TESC: variants seen among roughly 807,000 people sequenced by gnomAD.
TESC encodes calcineurin B homologous protein 3.
TESC carries 19 observed loss-of-function variants against 31.0 expected under a neutral mutation model. The ratio of observed to expected loss-of-function variants is 0.61; its 90% CI spans 0.43 to 0.90. TESC has a LOEUF of 0.90. TESC is among the 40% of genes least tolerant of loss of function. The pLI, the probability that TESC is intolerant of heterozygous loss-of-function variation, is 0.00. For synonymous variants in TESC, 109 were observed against 114.8 expected (o/e 0.95, Z 0.32); for missense variants, 248 against 303.8 (o/e 0.82, Z 1.36).
intron 3 of TESC, among the ~76,000 whole-genome samples, chr12:117,055,453 A>G (rs1954707217): frequency 6.6e-6 from 1 of 151,978 alleles, no homozygotes; most frequent in African/African-American, 2.4e-5. Context: ...GATTATCTCC[A>G]TTTTAGAGAT....
intron 1 of TESC, among the ~76,000 whole-genome samples, chr12:117,091,004 C>T (rs1158172476): frequency 6.6e-6 from 1 of 152,212 alleles, no homozygotes; most frequent in Non-Finnish European, 1.5e-5. Flanking sequence ...CTCCACTAAC[C>T]TGCCAGGGAG....
At chr12:117,098,827 CTT>C (rs1255780242) in intron 1 of TESC, among the ~76,000 whole-genome samples, 1 of 152,124 alleles carries the variant, frequency 6.6e-6, no homozygotes, top group Non-Finnish European at 1.5e-5. Context: ...GACTTCAAAA[CTT>C]TCCGCTCTCG....
intron 1 of TESC, among the ~76,000 whole-genome samples, chr12:117,098,877 G>A (rs1313069219): frequency 2.0e-5 from 3 of 152,168 alleles, no homozygotes; most frequent in Non-Finnish European, 4.4e-5. Flanking sequence ...TGTGGGGCGC[G>A]CGCGCCAGCG....
chr12:117,048,406 G>A (rs949511840), intron 4 of TESC, among the ~76,000 whole-genome samples: 7 of 152,160 alleles, frequency 4.6e-5, no homozygotes, highest in Non-Finnish European at 8.8e-5. Context: ...GACCTGGGGC[G>A]GGACACAGAG....
chr12:117,054,831 C>T (rs1033660646), intron 3 of TESC, among the ~76,000 whole-genome samples: 3 of 152,178 alleles, frequency 2.0e-5, no homozygotes, highest in African/African-American at 7.2e-5. Flanking sequence ...CTCCGTTTCC[C>T]AGCCATCTTT....
intron 1 of TESC, among the ~76,000 whole-genome samples, chr12:117,075,983 A>T (rs867662501): frequency 1.4e-4 from 17 of 117,894 alleles, no homozygotes; most frequent in East Asian, 4.3e-4. Context: ...ATATATATAT[A>T]TATTTTTTTT....
intron 2 of TESC, among the ~76,000 whole-genome samples, chr12:117,065,447 A>ACAGAGGAAC (rs1169849844): frequency 1.3e-5 from 2 of 152,148 alleles, no homozygotes; most frequent in Non-Finnish European, 2.9e-5. Flanking sequence ...GCCGTTCACC[A>ACAGAGGAAC]CAGAGGAACG....
intron 1 of TESC, among the ~76,000 whole-genome samples, chr12:117,088,057 C>T (rs1048586581): frequency 6.6e-6 from 1 of 152,108 alleles, no homozygotes; most frequent in Non-Finnish European, 1.5e-5. Context: ...GGTCACACAG[C>T]TAGGAGCAGC....
chr12:117,059,336 G>A (rs868109), intron 2 of TESC, among the ~76,000 whole-genome samples: 179 of 152,270 alleles, frequency 1.2e-3, no homozygotes, highest in African/African-American at 4.0e-3. Flanking sequence ...CTGTGTCCCC[G>A]GCATGGCCTC....
At chr12:117,075,108 T>C (rs773314748) in intron 2 of TESC, among the ~76,000 whole-genome samples, 163 bp downstream of exon 2, 23 of 152,116 alleles carry the variant, frequency 1.5e-4, no homozygotes, top group Non-Finnish European at 2.9e-4. Flanking sequence ...ACAGCACCAC[T>C]GCACTCCAGC....
Position 117,091,821 on chromosome 12 carries a change from G to A in TESC, c.58+7404C>T, listed in dbSNP as rs182283396. Among the ~76,000 whole-genome samples the A allele has an allele frequency of 2.3e-3, 348 of 152,246 alleles. 1 individual carries two copies. The highest frequency in any genetic ancestry group is 3.6e-3 in the Non-Finnish European group (247 of 68,022). ...CTCAAGGTTCAGTTCTCCCCTTGCC[G>A]ACTTGGTAAACAATGTGTGGAACTC... On this transcript the variant is annotated intron_variant, in intron 1 of 7. Coordinates refer to ENST00000335209, the MANE Select transcript of TESC (RefSeq NM_017899.4).
intron 2 of TESC, among the ~76,000 whole-genome samples, chr12:117,060,741 A>T (rs1316535370): frequency 6.6e-6 from 1 of 152,190 alleles, no homozygotes; most frequent in Non-Finnish European, 1.5e-5. Context: ...GAAGCCAGGT[A>T]GCGTACAGCC....
intron 2 of TESC, among the ~76,000 whole-genome samples, chr12:117,067,216 C>G (rs1163876412): frequency 1.3e-5 from 2 of 152,100 alleles, no homozygotes; most frequent in Non-Finnish European, 2.9e-5. Flanking sequence ...GGTGAAACAG[C>G]CTGCTGAGCT....
intron 7 of TESC, among the ~76,000 whole-genome samples, chr12:117,041,630 G>A (rs898840469): frequency 3.9e-5 from 6 of 152,238 alleles, no homozygotes; most frequent in Non-Finnish European, 4.4e-5. Context: ...ACCGCGCCCA[G>A]CCTACAACGG....
intron 4 of TESC, among the ~76,000 whole-genome samples, chr12:117,047,795 T>C (rs186909732): frequency 2.0e-5 from 3 of 152,228 alleles, no homozygotes; most frequent in African/African-American, 7.2e-5. Flanking sequence ...AGGCTGAATG[T>C]AGTGGTGCAA....
intron 1 of TESC, chr12:117,098,658 G>C (rs1331821926): frequency 4.6e-5 from 7 of 152,274 alleles, no homozygotes; most frequent in Admixed American, 4.6e-4. Flanking sequence ...AGTGCTCTGC[G>C]GCCGCTGCCT....
chr12:117,040,291 C>T (rs1054451659), intron 7 of TESC, among the ~76,000 whole-genome samples: 5 of 152,156 alleles, frequency 3.3e-5, no homozygotes, highest in East Asian at 1.9e-4. Flanking sequence ...CAGGGTAACA[C>T]GCATGGACAC....
intron 2 of TESC, among the ~76,000 whole-genome samples, chr12:117,074,974 G>A (rs556125817): frequency 7.9e-5 from 12 of 152,014 alleles, no homozygotes; most frequent in Non-Finnish European, 1.5e-4. Context: ...GTGAAACCCC[G>A]TCTCTACTAA....
intron 7 of TESC, 86 bp from the exon 8 acceptor site, chr12:117,039,296 C>T: frequency 2.3e-6 from 3 of 1,280,654 alleles, no homozygotes; most frequent in Non-Finnish European, 3.3e-6. Flanking sequence ...CCCTTCCCAC[C>T]TACCGTCTCC....
Sources: allele counts gnomAD v4.1 joint callset (sites outside exome capture counted in the v4.1 genomes callset), GRCh38; gene constraint gnomAD v4.1.1; transcripts MANE v1.5; gene names NCBI Gene and HGNC (gene_info 2026-07-23, HGNC 2026-07-21).